Variants in ABHD12 observed in about 807,000 individuals in gnomAD.
ABHD12 encodes abhydrolase domain containing 12, lysophospholipase.
A neutral mutation model predicts 58.3 loss-of-function variants in ABHD12; 43 were observed. That is an observed-to-expected ratio of 0.74 (90% CI 0.58 to 0.95). The LOEUF is 0.95. ABHD12 is among the 40% of genes least tolerant of loss of function. ABHD12 has a pLI of 0.00. For synonymous variants in ABHD12, 219 were observed against 211.2 expected, an observed-to-expected ratio of 1.04 and a Z score of -0.32; for missense variants, 539 against 537.2, an observed-to-expected ratio of 1.00 and a Z score of -0.03.
chr20:25,302,221 C>T lies in ABHD12; in HGVS notation c.1155G>A (p.Leu385=), dbSNP rs1003468289. 1.9e-6 allele frequency: 3 copies of T among 1,613,202 alleles called. No individual in the cohort carries two copies. Among genetic ancestry groups the T allele is most frequent in the Non-Finnish European group, 2.5e-6 (3 of 1,179,918 alleles). ...TGGGTGGGAAGAGAATGTCTCACCT[C>T]AGTATCCGTGGCAGCTCAGGGCTCT... ...IYKSPELPRI[L]REFLGKSEPE... Residue 385 remains leucine, a splice_region_variant and synonymous_variant, in exon 12 of 13, where the codon CTG becomes CTA. Transcript: ENST00000339157.
At chr20:25,384,345 A>G (rs2090060867) in intron 1 of ABHD12, among the ~76,000 whole-genome samples, 1 of 150,596 alleles carries the variant, frequency 6.6e-6, no homozygotes, top group Admixed American at 6.6e-5. Context: ...TTTTTTTTTA[A>G]CCTCCAAAAT....
At chr20:25,352,435 C>T (rs1038968656) in intron 1 of ABHD12, among the ~76,000 whole-genome samples, 8 of 151,948 alleles carry the variant, frequency 5.3e-5, no homozygotes, top group Admixed American at 1.3e-4. Flanking sequence ...ACTACAGGCA[C>T]GTGCCACCAC....
chr20:25,336,330 TG>T (rs2089368487), intron 2 of ABHD12, among the ~76,000 whole-genome samples: 1 of 152,170 alleles, frequency 6.6e-6, no homozygotes, highest in Non-Finnish European at 1.5e-5. Context: ...GCTAATTCTT[TG>T]TTTTTAGAAT....
intron 6 of ABHD12, 73 bp from the exon 7 acceptor site, chr20:25,309,648 G>C (rs747069082): frequency 1.0e-5 from 16 of 1,599,534 alleles, no homozygotes; most frequent in Non-Finnish European, 1.4e-5. Flanking sequence ...ACCTCCCCAA[G>C]GGGGCCCAGG....
At chr20:25,349,942 G>A (rs1227499206) in intron 1 of ABHD12, among the ~76,000 whole-genome samples, 1 of 152,076 alleles carries the variant, frequency 6.6e-6, no homozygotes, top group Non-Finnish European at 1.5e-5. Context: ...TGAAATCTAG[G>A]GAACATAATG....
intron 2 of ABHD12, among the ~76,000 whole-genome samples, chr20:25,330,814 A>C (rs889750488): frequency 6.6e-6 from 1 of 152,240 alleles, no homozygotes; most frequent in Admixed American, 6.5e-5. Context: ...ACCCATCTGT[A>C]CATCACCATC....
intron 1 of ABHD12, among the ~76,000 whole-genome samples, chr20:25,372,978 C>T (rs951257584): frequency 2.0e-5 from 3 of 152,172 alleles, no homozygotes; most frequent in African/African-American, 4.8e-5. Flanking sequence ...TGTACCTTTT[C>T]TATGTGTAGA....
chr20:25,300,848 G>GT lies in ABHD12; in HGVS notation c.1193dup (p.His398GlnfsTer124). 1 of 1,614,142 alleles carries GT rather than the reference G, an allele frequency of 6.2e-7. No homozygotes were observed. The highest frequency in any genetic ancestry group is 1.1e-5 in the South Asian group (1 of 91,084). On this transcript the variant is annotated frameshift_variant, in exon 13 of 13. Transcript: ENST00000339157. LOFTEE classifies it high-confidence loss of function. ...TGCTTCCTTCCCACGGCCAGGCTCA[G>GT]TGCTGGTGCTCAGGCTCCGACTTCC...
rs572346828 is a variant in ABHD12 at position 25,307,176 on chromosome 20, G to A, written c.868-261C>T. ...AGACTGGCATGGCAGGGGCTGCCCTGCAAATGGGGCTCCCGCACCTCCCAG... is the reference window on the plus strand; with the variant it reads ...AGACTGGCATGGCAGGGGCTGCCCTACAAATGGGGCTCCCGCACCTCCCAG... On this transcript the variant is annotated intron_variant, in intron 9 of 12. Transcript: ENST00000339157. Among the ~76,000 whole-genome samples, 13 of 152,302 alleles carry A rather than the reference G, an allele frequency of 8.5e-5. No homozygotes were observed. In the East Asian group the frequency reaches 2.3e-3, roughly 27 times the overall value.
At chr20:25,298,284 A>AGAT (rs1449554543), downstream of ABHD12, among the ~76,000 whole-genome samples, 3 of 151,790 alleles carry the variant, frequency 2.0e-5, no homozygotes, top group Non-Finnish European at 2.9e-5. Context: ...TTTGTTTTTG[A>AGAT]GATGGAGTTT....
chr20:25,316,382 A>C (rs1191391888), intron 5 of ABHD12, among the ~76,000 whole-genome samples: 1 of 151,626 alleles, frequency 6.6e-6, no homozygotes, highest in Non-Finnish European at 1.5e-5. Flanking sequence ...GCTGGTCTTG[A>C]ACTCCTGACC....
Position 25,302,354 on chromosome 20 carries a change from G to A in ABHD12, c.1030-8C>T, listed in dbSNP as rs1034960218. ...TGCGGCGATGCTATAGAGCTGGGGAGAGAGGGGTCAGAGCCTGAGGCAGTG... is the reference window on the plus strand; with the variant it reads ...TGCGGCGATGCTATAGAGCTGGGGAAAGAGGGGTCAGAGCCTGAGGCAGTG... On this transcript the variant is annotated splice_region_variant and splice_polypyrimidine_tract_variant and intron_variant, in intron 11 of 12. Transcript: ENST00000339157. 3.1e-6 allele frequency: 5 copies of A among 1,612,836 alleles called. No homozygotes were observed. The highest frequency in any genetic ancestry group is 4.2e-6 in the Non-Finnish European group (5 of 1,179,916).
At chr20:25,379,419 C>A (rs1198662451) in intron 1 of ABHD12, among the ~76,000 whole-genome samples, 1 of 152,206 alleles carries the variant, frequency 6.6e-6, no homozygotes, top group Non-Finnish European at 1.5e-5. Context: ...CACAAGCACT[C>A]AGAAGAGAAC....
At chr20:25,349,843 G>A (rs2089574584) in intron 1 of ABHD12, among the ~76,000 whole-genome samples, 1 of 152,176 alleles carries the variant, frequency 6.6e-6, no homozygotes, top group African/African-American at 2.4e-5. Context: ...GCACAACAAT[G>A]TGAAAGTATT....
intron 1 of ABHD12, among the ~76,000 whole-genome samples, chr20:25,344,490 T>C (rs751423339): frequency 1.6e-4 from 25 of 152,280 alleles, no homozygotes; most frequent in Middle Eastern, 3.4e-3. Flanking sequence ...CAAGATCTAA[T>C]GAGGAAAACG....
At chr20:25,384,581 C>CA (rs2090064054) in intron 1 of ABHD12, among the ~76,000 whole-genome samples, 1 of 151,780 alleles carries the variant, frequency 6.6e-6, no homozygotes, top group South Asian at 2.1e-4. Context: ...TCTGTCTCTA[C>CA]AAAAAATACA....
intron 6 of ABHD12, among the ~76,000 whole-genome samples, chr20:25,314,721 G>A (rs2088927913): frequency 6.6e-6 from 1 of 151,940 alleles, no homozygotes; most frequent in Non-Finnish European, 1.5e-5. Context: ...ATCTGCTGGG[G>A]GCTCCAGGTG....
intron 5 of ABHD12, among the ~76,000 whole-genome samples, chr20:25,315,905 G>A (rs1475898394): frequency 6.6e-6 from 1 of 152,238 alleles, no homozygotes; most frequent in Non-Finnish European, 1.5e-5. Context: ...CCTCTGAGGG[G>A]AGGAGAGTGA....
intron 1 of ABHD12, among the ~76,000 whole-genome samples, chr20:25,375,257 C>G (rs2089948399): frequency 6.6e-6 from 1 of 152,228 alleles, no homozygotes; most frequent in Admixed American, 6.5e-5. Context: ...ATTTAAGTCA[C>G]CTGGTCTGTG....
Sources: gnomAD v4.1 joint callset for allele counts (sites outside exome capture counted in the v4.1 genomes callset) on GRCh38, gnomAD v4.1.1 for gene constraint, MANE v1.5 for transcripts, NCBI Gene and HGNC (gene_info 2026-07-23, HGNC 2026-07-21) for gene names.